PDE4D: variants seen among roughly 807,000 people sequenced by gnomAD.
The protein encoded by PDE4D is phosphodiesterase 4D.
Under a neutral mutation model 87.4 loss-of-function variants are expected in PDE4D, and 24 were observed. The observed-to-expected ratio is 0.27, with a 90% CI of 0.20 to 0.39. The LOEUF (loss-of-function observed/expected upper bound fraction) is 0.39. Ranked by LOEUF, PDE4D falls within the 10% of genes least tolerant of loss-of-function variation. The pLI is 1.00. For synonymous variants in PDE4D, 384 were observed against 383.2 expected (o/e 1.00, Z -0.02); for missense variants, 714 against 1,041.0 (o/e 0.69, Z 4.32).
At chr5:59,211,057 C>T (rs148327384) in intron 2 of PDE4D, among the ~76,000 whole-genome samples, 27 of 152,100 alleles carry the variant, frequency 1.8e-4, no homozygotes, top group African/African-American at 5.3e-4. Flanking sequence ...TGTCTATTTA[C>T]GCTGTAATTT....
intron 1 of PDE4D, among the ~76,000 whole-genome samples, chr5:59,409,147 C>CAAA (rs34575207): frequency 8.6e-6 from 1 of 116,556 alleles, no homozygotes; most frequent in Non-Finnish European, 1.8e-5. Flanking sequence ...GACTCCATTT[C>CAAA]AAAAAAAAAA....
chr5:60,483,675 A>T (rs1392273259), intron 1 of PDE4D, among the ~76,000 whole-genome samples: 2 of 152,212 alleles, frequency 1.3e-5, no homozygotes, highest in Admixed American at 6.5e-5. Context: ...GGCACAAAAA[A>T]GTCAGGTCAA....
chr5:59,663,545 T>C (rs1745594163), intron 1 of PDE4D, among the ~76,000 whole-genome samples: 1 of 152,212 alleles, frequency 6.6e-6, no homozygotes, highest in African/African-American at 2.4e-5. Flanking sequence ...TAAATAATCA[T>C]TTTATTTAGT....
At chr5:59,118,343 T>C (rs370834036) in intron 5 of PDE4D, among the ~76,000 whole-genome samples, 9 of 152,318 alleles carry the variant, frequency 5.9e-5, no homozygotes, top group South Asian at 4.1e-4. Context: ...TAATTGTCTA[T>C]CAATTCAACC....
intron 1 of PDE4D, among the ~76,000 whole-genome samples, chr5:60,388,196 A>AGGC (rs1314757658): frequency 1.3e-5 from 2 of 152,054 alleles, no homozygotes; most frequent in Non-Finnish European, 2.9e-5. Flanking sequence ...GTTGTTATGG[A>AGGC]GGCTTCATTA....
At chr5:60,102,462 G>A (rs1211253701) in intron 2 of PDE4D, among the ~76,000 whole-genome samples, 1 of 152,024 alleles carries the variant, frequency 6.6e-6, no homozygotes, top group Non-Finnish European at 1.5e-5. Flanking sequence ...AATTCAGGTA[G>A]GTAGGAAAGC....
intron 1 of PDE4D, among the ~76,000 whole-genome samples, chr5:59,835,191 T>C (rs1202071296): frequency 6.6e-6 from 1 of 152,062 alleles, no homozygotes; most frequent in African/African-American, 2.4e-5. Flanking sequence ...ATCTTTCTGA[T>C]CTTTAATTTC....
chr5:60,444,928 A>T (rs1583792453), intron 1 of PDE4D, among the ~76,000 whole-genome samples: 1 of 148,062 alleles, frequency 6.8e-6, no homozygotes, highest in East Asian at 2.0e-4. Context: ...AAAAAAAAAA[A>T]TCACCGAAAT....
chr5:60,263,942 A>G (rs1166078034), intron 1 of PDE4D, among the ~76,000 whole-genome samples: 1 of 152,064 alleles, frequency 6.6e-6, no homozygotes, highest in East Asian at 1.9e-4. Flanking sequence ...TGAAAAAATA[A>G]TAAACTAAAA....
At chr5:59,417,442 A>C (rs1474804056) in intron 1 of PDE4D, among the ~76,000 whole-genome samples, 1 of 152,202 alleles carries the variant, frequency 6.6e-6, no homozygotes, top group South Asian at 2.1e-4. Context: ...CTGAAAGGGA[A>C]TAACACACAA....
chr5:59,502,502 T>C (rs1282713903), intron 1 of PDE4D, among the ~76,000 whole-genome samples: 1 of 152,160 alleles, frequency 6.6e-6, no homozygotes, highest in Admixed American at 6.6e-5. Context: ...GGGTGAATAC[T>C]GAAAAGATGG....
At chr5:60,455,699 A>G (rs1055326071) in intron 1 of PDE4D, among the ~76,000 whole-genome samples, 1 of 152,136 alleles carries the variant, frequency 6.6e-6, no homozygotes, top group Non-Finnish European at 1.5e-5. Context: ...TACCACCACC[A>G]CCATTAGCAA....
intron 1 of PDE4D, among the ~76,000 whole-genome samples, chr5:60,469,872 A>G (rs545801729): frequency 6.6e-6 from 1 of 152,256 alleles, no homozygotes; most frequent in African/African-American, 2.4e-5. Flanking sequence ...AGACACAACA[A>G]TATTAAAAGT....
At chr5:59,983,126 T>C (rs1762094536) in intron 3 of PDE4D, among the ~76,000 whole-genome samples, 1 of 152,224 alleles carries the variant, frequency 6.6e-6, no homozygotes, top group Middle Eastern at 3.4e-3. Flanking sequence ...AGCCCCACTC[T>C]TGTCTACTCA....
rs909254630 is a variant in PDE4D, at chr5:60,304,765, C to T, written c.-89-119078G>A. 4.6e-4 allele frequency among the ~76,000 whole-genome samples: 70 copies of T among 150,696 alleles called. 1 individual carries two copies. Among genetic ancestry groups the T allele is most frequent in the African/African-American group, 1.6e-3 (66 of 40,946 alleles). Reference sequence around the variant, plus strand: ...TACCGTGTATAACTTCTTATAGTATCAAAGAATCAGGCTGCAGAAGCTGAA... The same window carrying T: ...TACCGTGTATAACTTCTTATAGTATTAAAGAATCAGGCTGCAGAAGCTGAA... On this transcript the variant is annotated intron_variant, in intron 1 of 16. Coordinates refer to the PDE4D transcript ENST00000502484.
chr5:59,985,442 C>T (rs1229445287), intron 3 of PDE4D, among the ~76,000 whole-genome samples: 2 of 151,850 alleles, frequency 1.3e-5, no homozygotes, highest in Non-Finnish European at 2.9e-5. Flanking sequence ...CACCTGGCCC[C>T]GCACTTTACC....
chr5:60,131,040 T>C (rs1435601305), intron 2 of PDE4D, among the ~76,000 whole-genome samples: 3 of 152,190 alleles, frequency 2.0e-5, no homozygotes, highest in Non-Finnish European at 4.4e-5. Flanking sequence ...AGTAGGCCAC[T>C]CAGAGAAGGA....
chr5:60,466,407 G>T (rs933481563), intron 1 of PDE4D, among the ~76,000 whole-genome samples: 2 of 152,192 alleles, frequency 1.3e-5, no homozygotes, highest in South Asian at 4.2e-4. Context: ...AGTTCTTCTT[G>T]CTCTCACTTT....
At chr5:59,654,451 T>C (rs1310494778) in intron 1 of PDE4D, among the ~76,000 whole-genome samples, 1 of 152,200 alleles carries the variant, frequency 6.6e-6, no homozygotes. Context: ...TTAGCACAAT[T>C]GCCTCCCATC....
Sources: allele counts gnomAD v4.1 joint callset (sites outside exome capture counted in the v4.1 genomes callset), GRCh38; gene constraint gnomAD v4.1.1; transcripts MANE v1.5; gene names NCBI Gene and HGNC (gene_info 2026-07-23, HGNC 2026-07-21).